INSL6: variants seen among roughly 807,000 people sequenced by gnomAD.
INSL6 encodes insulin like 6.
INSL6 carries 16 observed loss-of-function variants against 9.4 expected under a neutral mutation model. The observed-to-expected ratio is 1.70, with a 90% CI of 1.15 to 2.59. The LOEUF (loss-of-function observed/expected upper bound fraction) is 2.59, where lower values mean the gene tolerates loss of function less well. INSL6 is among the 30% of genes most tolerant of loss of function. The pLI is 0.00. For synonymous variants in INSL6, 154 were observed against 96.9 expected (o/e 1.59, Z -3.46); for missense variants, 391 against 257.3 (o/e 1.52, Z -3.56).
chr9:5,121,016 G>T (rs540010799), downstream of INSL6, among the ~76,000 whole-genome samples: 9 of 152,066 alleles, frequency 5.9e-5, 1 homozygote, highest in African/African-American at 2.2e-4. Flanking sequence ...GTATATAGGT[G>T]GATGATACTA....
intron 1 of INSL6, among the ~76,000 whole-genome samples, chr9:5,166,598 T>C (rs1018686929): frequency 3.3e-5 from 5 of 152,132 alleles, no homozygotes; most frequent in African/African-American, 1.2e-4. Flanking sequence ...AAATACAAGA[T>C]GCCTTAACTG....
chr9:5,042,124 C>CTTTTTTTT, the INSL6 span, among the ~76,000 whole-genome samples: 12 of 107,608 alleles, frequency 1.1e-4, no homozygotes, highest in African/African-American at 3.5e-4. Context: ...GCCAAAATTT[C>CTTTTTTTT]TTTTTTTTTT....
chr9:5,101,404 C>A, the INSL6 span, among the ~76,000 whole-genome samples: 1 of 152,254 alleles, frequency 6.6e-6, no homozygotes, highest in Non-Finnish European at 1.5e-5. Context: ...TGGAGCCCAC[C>A]ACAGCTCTGC....
intron 2 of INSL6, among the ~76,000 whole-genome samples, chr9:5,135,573 A>G (rs917382677): frequency 2.0e-5 from 3 of 152,206 alleles, no homozygotes; most frequent in East Asian, 1.9e-4. Flanking sequence ...TTTGAAACCA[A>G]TAAGAACAAA....
the INSL6 span, chr9:5,068,932 G>C: frequency 1.4e-6 from 1 of 721,504 alleles, no homozygotes; most frequent in Admixed American, 2.8e-5. Context: ...TTATTCTGTT[G>C]CTTGTTCTTG....
At chr9:5,147,652 T>A (rs1824626937) in intron 2 of INSL6, among the ~76,000 whole-genome samples, 1 of 138,040 alleles carries the variant, frequency 7.2e-6, no homozygotes, top group Admixed American at 7.1e-5. Flanking sequence ...CAAATATATT[T>A]TCCAAGTTTC....
chr9:5,036,345 A>T, the INSL6 span, among the ~76,000 whole-genome samples: 46 of 152,336 alleles, frequency 3.0e-4, no homozygotes, highest in African/African-American at 1.0e-3. Context: ...CAAGCTACAG[A>T]TGACTTTCTT....
chr9:5,062,895 T>C, the INSL6 span, among the ~76,000 whole-genome samples: 2 of 152,194 alleles, frequency 1.3e-5, no homozygotes, highest in African/African-American at 4.8e-5. Flanking sequence ...TCATGTCCTT[T>C]GACTAGTTTT....
the INSL6 span, among the ~76,000 whole-genome samples, chr9:5,058,209 A>AT: frequency 1.3e-5 from 2 of 152,146 alleles, no homozygotes; most frequent in Non-Finnish European, 2.9e-5. Flanking sequence ...TATACCTTCT[A>AT]TTAGTCCGTT....
chr9:5,042,237 C>T, the INSL6 span, among the ~76,000 whole-genome samples: 1 of 150,728 alleles, frequency 6.6e-6, no homozygotes, highest in Non-Finnish European at 1.5e-5. Flanking sequence ...TCCCGGGTTC[C>T]CGCCATTCTC....
chr9:5,102,139 T>G, the INSL6 span, among the ~76,000 whole-genome samples: 1 of 152,054 alleles, frequency 6.6e-6, no homozygotes, highest in Non-Finnish European at 1.5e-5. Context: ...GCTAAAAACC[T>G]TGAAAAAAGA....
the INSL6 span, among the ~76,000 whole-genome samples, chr9:5,075,798 G>T: frequency 6.6e-6 from 1 of 152,160 alleles, no homozygotes; most frequent in Non-Finnish European, 1.5e-5. Context: ...AATACATTTT[G>T]TAAGGCTAAG....
chr9:5,115,390 T>C, the INSL6 span, among the ~76,000 whole-genome samples: 1 of 152,110 alleles, frequency 6.6e-6, no homozygotes, highest in African/African-American at 2.4e-5. Context: ...AGAATGGCGA[T>C]CATTAAAAAG....
intron 3 of INSL6, chr9:5,127,616 T>A (rs577045389): frequency 2.6e-5 from 6 of 232,066 alleles, no homozygotes; most frequent in African/African-American, 1.1e-4. Context: ...AGTTTTCTTT[T>A]AAAATTTTGA....
At chr9:5,097,862 G>A in the INSL6 span, 1 of 152,122 alleles carries the variant, frequency 6.6e-6, no homozygotes, top group Admixed American at 6.5e-5. Flanking sequence ...CCCATTCTCA[G>A]GTTATATGCT....
At chr9:5,158,455 A>T (rs1824861334) in intron 2 of INSL6, among the ~76,000 whole-genome samples, 1 of 152,330 alleles carries the variant, frequency 6.6e-6, no homozygotes, top group South Asian at 2.1e-4. Flanking sequence ...TCAAGGATAA[A>T]GAAAGGGTCC....
chr9:5,032,644 G>A, the INSL6 span, among the ~76,000 whole-genome samples: 4 of 152,230 alleles, frequency 2.6e-5, no homozygotes, highest in Non-Finnish European at 5.9e-5. Flanking sequence ...AGGGTCTGGA[G>A]TGGACCTCCA....
At chr9:5,064,034 T>C in the INSL6 span, among the ~76,000 whole-genome samples, 6 of 152,124 alleles carry the variant, frequency 3.9e-5, no homozygotes, top group Non-Finnish European at 7.3e-5. Context: ...CGTGTGCCTG[T>C]AATCCCAGCT....
intron 2 of INSL6, among the ~76,000 whole-genome samples, chr9:5,152,940 C>A (rs1554690143): frequency 1.3e-4 from 20 of 152,250 alleles, no homozygotes; most frequent in South Asian, 2.1e-4. Context: ...CCGGGAAGCA[C>A]AAGGGGTCAG....
Sources: allele counts gnomAD v4.1 joint callset (sites outside exome capture counted in the v4.1 genomes callset), GRCh38; gene constraint gnomAD v4.1.1; transcripts MANE v1.5; gene names NCBI Gene and HGNC (gene_info 2026-07-23, HGNC 2026-07-21).